Variants in PIGU observed in about 807,000 individuals in gnomAD.
PIGU encodes phosphatidylinositol glycan anchor biosynthesis class U.
In PIGU, 24 loss-of-function variants were observed where a neutral mutation model predicts 49.9. The observed-to-expected ratio is 0.48, with a 90% CI of 0.35 to 0.68. The LOEUF (loss-of-function observed/expected upper bound fraction) is 0.68, where lower values mean the gene tolerates loss of function less well. PIGU is among the 30% of genes least tolerant of loss of function. The probability of loss-of-function intolerance (pLI) is 0.01; values close to 1 mark genes in which losing one functional copy is unlikely to be tolerated. For synonymous variants in PIGU, 220 were observed against 205.7 expected, an observed-to-expected ratio of 1.07 and a Z score of -0.59; for missense variants, 490 against 532.6, an observed-to-expected ratio of 0.92 and a Z score of 0.79.
chr20:34,634,522 T>TAAAAA, intron 6 of PIGU, 93 bp downstream of exon 6: 2 of 1,204,638 alleles, frequency 1.7e-6, no homozygotes, highest in South Asian at 1.9e-5. Flanking sequence ...AGTGTTGCAT[T>TAAAAA]AAAAAAAAAA....
intron 1 of PIGU, among the ~76,000 whole-genome samples, chr20:34,657,931 T>G (rs1986754590): frequency 1.3e-5 from 2 of 149,046 alleles, no homozygotes; most frequent in Non-Finnish European, 3.0e-5. Context: ...AAATAACCTC[T>G]CCCTCTCCCT....
chr20:34,658,642 G>T (rs557380343), intron 1 of PIGU, among the ~76,000 whole-genome samples: 1 of 149,986 alleles, frequency 6.7e-6, no homozygotes, highest in South Asian at 2.1e-4. Context: ...CTGCCCAGCC[G>T]CGACCCCATC....
intron 6 of PIGU, among the ~76,000 whole-genome samples, chr20:34,631,689 G>T (rs1348216253): frequency 4.5e-5 from 5 of 110,040 alleles, no homozygotes; most frequent in African/African-American, 1.6e-4. Context: ...GAGTAGCTGG[G>T]ACTACAGGTG....
intron 7 of PIGU, among the ~76,000 whole-genome samples, chr20:34,592,978 T>C (rs1984052143): frequency 6.6e-6 from 1 of 152,094 alleles, no homozygotes; most frequent in South Asian, 2.1e-4. Flanking sequence ...ATTTATAATA[T>C]TATAGTACTA....
intron 2 of PIGU, among the ~76,000 whole-genome samples, chr20:34,653,862 T>G (rs1986619805): frequency 6.6e-6 from 1 of 151,866 alleles, no homozygotes; most frequent in Admixed American, 6.6e-5. Flanking sequence ...GAGACACCTT[T>G]CTTTTTTTTT....
At chr20:34,599,829 C>A (rs985300264) in intron 7 of PIGU, among the ~76,000 whole-genome samples, 4 of 152,140 alleles carry the variant, frequency 2.6e-5, no homozygotes, top group Non-Finnish European at 4.4e-5. Context: ...TATGGCCCCC[C>A]CTGTAAGCTT....
intron 7 of PIGU, among the ~76,000 whole-genome samples, chr20:34,594,100 C>G (rs1196836079): frequency 2.8e-5 from 4 of 145,260 alleles, no homozygotes; most frequent in South Asian, 2.2e-4. Context: ...TCACTTGAGC[C>G]CAGGAGGTTG....
chr20:34,601,015 A>G (rs1263939717), intron 7 of PIGU, among the ~76,000 whole-genome samples: 2 of 151,164 alleles, frequency 1.3e-5, no homozygotes, highest in Admixed American at 1.3e-4. Context: ...GCCTGGGCAA[A>G]AAGAACGAAA....
intron 1 of PIGU, among the ~76,000 whole-genome samples, chr20:34,657,984 TCC>T (rs1294287539): frequency 4.7e-5 from 7 of 147,806 alleles, no homozygotes; most frequent in African/African-American, 1.9e-4. Context: ...GGTCTCCCTC[TCC>T]CTCTCTTTCC....
intron 6 of PIGU, among the ~76,000 whole-genome samples, chr20:34,631,774 T>C (rs1249545113): frequency 0.034 from 143 of 4,206 alleles, 12 homozygotes; most frequent in African/African-American, 0.16. Flanking sequence ...TATATATATA[T>C]ATATATATAT....
At chr20:34,640,598 AT>A (rs1422228303) in intron 4 of PIGU, among the ~76,000 whole-genome samples, 3 of 152,104 alleles carry the variant, frequency 2.0e-5, no homozygotes, top group Non-Finnish European at 4.4e-5. Context: ...GATGATCAAT[AT>A]TTCTAGATAC....
At chr20:34,634,097 G>T (rs1254182055) in intron 6 of PIGU, among the ~76,000 whole-genome samples, 1 of 150,244 alleles carries the variant, frequency 6.7e-6, no homozygotes, top group African/African-American at 2.5e-5. Flanking sequence ...TAAGAGATAA[G>T]GTCTTACTCT....
intron 11 of PIGU, among the ~76,000 whole-genome samples, chr20:34,561,534 C>T (rs1234502212): frequency 2.6e-5 from 4 of 152,144 alleles, no homozygotes; most frequent in Admixed American, 1.3e-4. Context: ...ATCTCCTAAA[C>T]AACAGCAAAG....
chr20:34,659,227 C>G (rs1425961673), intron 1 of PIGU, among the ~76,000 whole-genome samples: 10 of 137,910 alleles, frequency 7.3e-5, no homozygotes, highest in East Asian at 2.2e-4. Context: ...CCCGCCCGGC[C>G]AGCCGCCCCG....
chr20:34,641,544 A>T (rs1986164519), intron 4 of PIGU, among the ~76,000 whole-genome samples: 1 of 152,180 alleles, frequency 6.6e-6, no homozygotes, highest in Non-Finnish European at 1.5e-5. Flanking sequence ...GTAAAATGTC[A>T]TGATAACCAA....
chr20:34,623,627 G>A (rs1857211456), intron 6 of PIGU, among the ~76,000 whole-genome samples: 1 of 152,172 alleles, frequency 6.6e-6, no homozygotes, highest in African/African-American at 2.4e-5. Flanking sequence ...TGCATCACTG[G>A]GCCACCCTCT....
chr20:34,649,849 T>C, intron 2 of PIGU, among the ~76,000 whole-genome samples: 1 of 128,260 alleles, frequency 7.8e-6, no homozygotes, highest in African/African-American at 2.9e-5. Flanking sequence ...TATTACATTC[T>C]TTTTTTTTTT....
intron 11 of PIGU, among the ~76,000 whole-genome samples, chr20:34,572,161 G>C (rs1016755807): frequency 2.0e-5 from 3 of 152,018 alleles, no homozygotes; most frequent in African/African-American, 7.2e-5. Flanking sequence ...GATATGCAAG[G>C]CTCTTCCATT....
chr20:34,665,239 T>C (rs1421174055), intron 1 of PIGU, among the ~76,000 whole-genome samples: 13 of 129,494 alleles, frequency 1.0e-4, no homozygotes, highest in African/African-American at 3.7e-4. Context: ...AGTCTCGCTC[T>C]GTCGCCCAGG....
Sources: allele counts gnomAD v4.1 joint callset (sites outside exome capture counted in the v4.1 genomes callset), GRCh38; gene constraint gnomAD v4.1.1; transcripts MANE v1.5; gene names NCBI Gene and HGNC (gene_info 2026-07-23, HGNC 2026-07-21).